The following SPEG variants were observed in gnomAD, a reference collection of about 807,000 sequenced individuals.
The protein encoded by SPEG is striated muscle preferentially expressed protein kinase.
SPEG carries 114 observed loss-of-function variants against 300.4 expected under a neutral mutation model. That is an observed-to-expected ratio of 0.38 (90% CI 0.33 to 0.44). The LOEUF (loss-of-function observed/expected upper bound fraction) is 0.44. Among genes scored for constraint, SPEG ranks in the 20% least tolerant of loss-of-function variants. The pLI is 1.00. For missense variants in SPEG, 4,201 were observed against 4,586.2 expected, an observed-to-expected ratio of 0.92 and a Z score of 2.43; for synonymous variants, 1,964 against 2,018.9, an observed-to-expected ratio of 0.97 and a Z score of 0.73.
At chr2:219,467,083 C>T in intron 9 of SPEG, 91 bp from the exon 10 acceptor site, 2 of 1,407,918 alleles carry the variant, frequency 1.4e-6, no homozygotes, top group Non-Finnish European at 1.9e-6. Context: ...CTCTCTGTGT[C>T]TGTCTGTCTC....
intron 1 of SPEG, among the ~76,000 whole-genome samples, chr2:219,436,264 T>G (rs1954716535): frequency 6.6e-6 from 1 of 152,232 alleles, no homozygotes; most frequent in Non-Finnish European, 1.5e-5. Context: ...GTGCTCATGG[T>G]CCAGCTGGGG....
rs899165084 is a variant in SPEG, at chr2:219,488,384, G to A, written c.7858+74G>A. 2.0e-6 allele frequency: 3 copies of A among 1,498,688 alleles called. No homozygotes were observed. In the Admixed American group the frequency reaches 5.7e-5, roughly 28 times the overall value. 92.8% of individuals were successfully genotyped at this position (1,498,688 alleles called of 1,614,324 possible). On this transcript the variant is annotated intron_variant, in intron 32 of 40. Coordinates refer to ENST00000312358, the MANE Select transcript of SPEG (RefSeq NM_005876.5). Reference sequence around the variant, plus strand: ...GAGCCCAGGGGATGGGAGGGGCTAGGCCGGAGTGGGGACTGAGCACGGTTA... The same window carrying A: ...GAGCCCAGGGGATGGGAGGGGCTAGACCGGAGTGGGGACTGAGCACGGTTA...
rs1455001204 is a variant in SPEG at position 219,448,157 on chromosome 2, G to A, written c.999G>A (p.Thr333=). The change falls in exon 4 of 41, where the codon ACG becomes ACA. Residue 333 remains threonine, a synonymous_variant. Transcript: ENST00000312358. ...CGGCCCAGCCCGCGGCCACCCCCACGTCGCCCCACCGTCGCACTCAGGAGC... is the reference window on the plus strand; with the variant it reads ...CGGCCCAGCCCGCGGCCACCCCCACATCGCCCCACCGTCGCACTCAGGAGC... The part of the protein sequence containing the change: ...GPPAQPAATP[T]SPHRRTQEPV... The A allele has an allele frequency of 1.2e-6, 2 of 1,609,974 alleles. No individual in the cohort carries two copies. The highest frequency in any genetic ancestry group is 2.2e-5 in the East Asian group (1 of 44,714).
Position 219,464,559 on chromosome 2 carries a change from G to A in SPEG, c.2832G>A (p.Ala944=), listed in dbSNP as rs778399538. Residue 944 remains alanine, a synonymous_variant, in exon 9 of 41, where the codon GCG becomes GCA. Coordinates refer to ENST00000312358, the MANE Select transcript of SPEG (RefSeq NM_005876.5). This position sits in a 1 kb window ranked among gnomAD's most constrained non-coding sequence, Gnocchi z 4.5. The part of the protein sequence containing the change: ...RGDAGFYTCK[A]VNEYGARQCE... ...ATGCTGGTTTCTACACTTGCAAAGCGGTCAATGAGTATGGTGCTCGGCAGT... is the reference window on the plus strand; with the variant it reads ...ATGCTGGTTTCTACACTTGCAAAGCAGTCAATGAGTATGGTGCTCGGCAGT... 8.1e-6 allele frequency: 13 copies of A among 1,614,144 alleles called. No homozygotes were observed. Among genetic ancestry groups the A allele is most frequent in the African/African-American group, 2.7e-5 (2 of 74,952 alleles).
At position 219,484,292 on chromosome 2, in the gene SPEG, G is replaced by T. The variant is rs754545092; in HGVS notation, c.6829G>T (p.Ala2277Ser). 13 of 1,607,028 alleles carry T rather than the reference G, an allele frequency of 8.1e-6. 1 individual carries two copies. In the South Asian group the frequency reaches 1.3e-4, roughly 16 times the overall value. The part of the protein sequence containing the change: ...APPSEPKPHA[A>S]VFARVASPPP... ...GCCTTCAGAGCCCAAGCCCCACGCT[G>T]CTGTCTTTGCCAGGGTGGCCTCCCC... The change falls in exon 30 of 41, where the codon GCT (alanine) becomes TCT (serine). Residue 2277 changes from alanine (A) to serine (S), a missense_variant. Ala to Ser is a moderately conservative substitution (Grantham distance 99, BLOSUM62 1). This residue lies in a region of SPEG where 1,578 missense variants were observed against 1,506.0 expected (regional missense o/e 1.05). Transcript: ENST00000312358.
At chr2:219,465,976 TGC>T in intron 9 of SPEG, 1 of 1,231,982 alleles carries the variant, frequency 8.1e-7, no homozygotes, top group Non-Finnish European at 1.2e-6. Context: ...TGCGTGTGTG[TGC>T]ATGTGTGTGT....
intron 3 of SPEG, among the ~76,000 whole-genome samples, chr2:219,447,740 G>A (rs964194875): frequency 1.3e-5 from 2 of 151,768 alleles, no homozygotes; most frequent in Non-Finnish European, 2.9e-5. Context: ...GGCTGAGTCT[G>A]TACCAAGACC....
rs750106331 is a variant in SPEG, at chr2:219,492,778, G to A, written c.9796G>A (p.Gly3266Ser). 2.5e-5 allele frequency: 40 copies of A among 1,588,308 alleles called. No homozygotes were observed. The highest frequency in any genetic ancestry group is 6.8e-5 in the East Asian group (3 of 44,362). The change falls in exon 41 of 41, where the codon GGC (glycine) becomes AGC (serine). Residue 3266 changes from glycine (G) to serine (S), a missense_variant. Around this residue, in one of 4 missense-constraint regions of SPEG, gnomAD observed 318 missense variants for 429.5 expected, o/e 0.74. Transcript: ENST00000312358. Reference protein sequence around the residue: ...HKVLLRSYPGGP With the variant: ...HKVLLRSYPGSP ...GGTGCTGCTGCGCTCCTACCCTGGC[G>A]GCCCCTAGAGGCACGGACCACAGCC...
rs1691436596 is a variant in SPEG at position 219,467,112 on chromosome 2, T to C, written c.2882-62T>C. 1.8e-5 allele frequency: 27 copies of C among 1,501,916 alleles called. No homozygotes were observed. In the South Asian group the frequency reaches 3.1e-4, roughly 17 times the overall value. The allele number at this position is 1,501,916 out of a possible 1,614,324, so 93.0% of individuals were successfully genotyped here. ...CTGTCTCTCTGTGCGTGCGTATGTG[T>C]GTCTCCCTCACCCTGTGTGTCTCTG... is the stretch of plus-strand genomic sequence containing the variant. On this transcript the variant is annotated intron_variant, in intron 9 of 40. Transcript: ENST00000312358.
In SPEG at chr2:219,467,454, T is replaced by C. The variant is rs755443703; in HGVS notation, c.3142+20T>C. 6 of 1,585,432 alleles carry C rather than the reference T, an allele frequency of 3.8e-6. No homozygotes were observed. The highest frequency in any genetic ancestry group is 2.3e-5 in the East Asian group (1 of 44,386). On this transcript the variant is annotated intron_variant, in intron 10 of 40. Transcript: ENST00000312358. ...CCAAAGGTAACTCCCCACTCAGGCATTGGGCTGCCGTGGGTGCCCAAGAGC... is the reference window on the plus strand; with the variant it reads ...CCAAAGGTAACTCCCCACTCAGGCACTGGGCTGCCGTGGGTGCCCAAGAGC...
chr2:219,475,238 A>G (rs1692234265), intron 18 of SPEG, among the ~76,000 whole-genome samples: 1 of 152,226 alleles, frequency 6.6e-6, no homozygotes, highest in Non-Finnish European at 1.5e-5. Context: ...AACATGGGCT[A>G]AACAGGGTTA....
At chr2:219,478,473 T>G (rs996688297) in intron 22 of SPEG, among the ~76,000 whole-genome samples, 1 of 152,274 alleles carries the variant, frequency 6.6e-6, no homozygotes, top group Non-Finnish European at 1.5e-5. Context: ...ACATGGCCTA[T>G]GCTTTTCATC....
intron 6 of SPEG, among the ~76,000 whole-genome samples, chr2:219,454,968 C>A (rs983445980): frequency 6.6e-6 from 1 of 152,180 alleles, no homozygotes; most frequent in Non-Finnish European, 1.5e-5. Context: ...GTGGCATATG[C>A]CTATAATCCC....
intron 10 of SPEG, among the ~76,000 whole-genome samples, chr2:219,467,965 G>A (rs1172709083): frequency 1.3e-5 from 2 of 152,228 alleles, no homozygotes; most frequent in Admixed American, 6.5e-5. Flanking sequence ...TGCTATCTCT[G>A]ACCTGGGCCT....
Position 219,480,394 on chromosome 2 carries a change from ATT to A in SPEG, c.5342+255_5342+256del. 6.6e-6 allele frequency among the ~76,000 whole-genome samples: 1 copy of A among 152,068 alleles called. No individual in the cohort carries two copies. On this transcript the variant is annotated intron_variant, in intron 25 of 40. Transcript: ENST00000312358. This position sits in a 1 kb window ranked among gnomAD's most constrained non-coding sequence, Gnocchi z 5.3. ...CTGGAAGCCGGGCCTTCCCCTCAGC[ATT>A]CAGCCTGCCTCCTCCAGTAAGGCAG...
Position 219,489,525 on chromosome 2 carries a change from A to G in SPEG, c.8507A>G (p.Lys2836Arg). 6.2e-7 allele frequency: 1 copy of G among 1,612,942 alleles called. No individual in the cohort carries two copies. The highest frequency in any genetic ancestry group is 8.5e-7 in the Non-Finnish European group (1 of 1,179,792). Residue 2836 changes from lysine to arginine, a missense_variant, in exon 36 of 41, where the codon AAG becomes AGG. Physicochemically the swap from Lys to Arg is conservative, Grantham distance 26 (BLOSUM62 2). Transcript: ENST00000312358. Reference protein sequence around the residue: ...TPPSQALSSLKAVGPPPQTPP... With the variant: ...TPPSQALSSLRAVGPPPQTPP... ...CCTAGCCAGGCCTTGTCCTCGCTCAAGGCTGTGGGTCCACCACCCCAAACC... is the reference window on the plus strand; with the variant it reads ...CCTAGCCAGGCCTTGTCCTCGCTCAGGGCTGTGGGTCCACCACCCCAAACC...
rs1263661305 is a variant in SPEG, at chr2:219,489,852, G to T, written c.8834G>T (p.Ser2945Ile). The change falls in exon 36 of 41, where the codon AGT (serine) becomes ATT (isoleucine). Residue 2945 changes from serine (S) to isoleucine (I), a missense_variant. Coordinates refer to ENST00000312358, the MANE Select transcript of SPEG (RefSeq NM_005876.5). The part of the protein sequence containing the change: ...AKEVVSSPGS[S>I]PRSSPRPEGT... Reference sequence around the variant, plus strand: ...GAGGTGGTCAGCTCCCCTGGGAGCAGTCCCCGAAGCTCTCCCAGGCCTGAG... The same window carrying T: ...GAGGTGGTCAGCTCCCCTGGGAGCATTCCCCGAAGCTCTCCCAGGCCTGAG... 1 of 1,612,710 alleles carries T rather than the reference G, an allele frequency of 6.2e-7. No individual in the cohort carries two copies. The highest frequency in any genetic ancestry group is 8.5e-7 in the Non-Finnish European group (1 of 1,179,266).
At chr2:219,466,987 C>A in intron 9 of SPEG, 187 bp from the exon 10 acceptor site, 1 of 1,039,056 alleles carries the variant, frequency 9.6e-7, no homozygotes, top group Non-Finnish European at 1.3e-6. Flanking sequence ...CTTGGATTGC[C>A]ATCTCAAAGC....
Position 219,484,549 on chromosome 2 carries a change from C to T in SPEG, c.7086C>T (p.Pro2362=). 6.3e-7 allele frequency: 1 copy of T among 1,592,072 alleles called. No individual in the cohort carries two copies. The highest frequency in any genetic ancestry group is 8.5e-7 in the Non-Finnish European group (1 of 1,173,030). ...LSRSRSEERG[P]FRGAEEEDGI... ...GTTCGCGCTCGGAGGAGCGCGGCCCCTTCCGTGGGGCCGAGGAGGAGGATG... is the reference window on the plus strand; with the variant it reads ...GTTCGCGCTCGGAGGAGCGCGGCCCTTTCCGTGGGGCCGAGGAGGAGGATG... Residue 2362 remains proline, a synonymous_variant, in exon 30 of 41, where the codon CCC becomes CCT. Transcript: ENST00000312358.
Sources: allele counts gnomAD v4.1 joint callset (sites outside exome capture counted in the v4.1 genomes callset), GRCh38; gene constraint gnomAD v4.1.1; regional missense constraint gnomAD v4.1.1; non-coding constraint Gnocchi (gnomAD v3.1); transcripts MANE v1.5; gene names NCBI Gene and HGNC (gene_info 2026-07-23, HGNC 2026-07-21).